NRXN1: variants seen among roughly 807,000 people sequenced by gnomAD.
NRXN1 encodes the protein neurexin-1.
NRXN1 carries 39 observed loss-of-function variants against 150.9 expected under a neutral mutation model. The ratio of observed to expected loss-of-function variants is 0.26; its 90% CI spans 0.20 to 0.34. The LOEUF is 0.34. Among genes scored for constraint, NRXN1 ranks in the 10% least tolerant of loss-of-function variants. The pLI is 1.00. For synonymous variants in NRXN1, 924 were observed against 757.0 expected, an observed-to-expected ratio of 1.22 and a Z score of -3.62; for missense variants, 1,815 against 1,949.9, an observed-to-expected ratio of 0.93 and a Z score of 1.30.
chr2:50,967,037 T>C (rs1302676365), intron 2 of NRXN1, among the ~76,000 whole-genome samples: 3 of 151,960 alleles, frequency 2.0e-5, no homozygotes, highest in Admixed American at 6.6e-5. Flanking sequence ...GTTGTTAAAA[T>C]GTCATTCTCC....
At chr2:50,594,417 C>T (rs1674813393) in intron 8 of NRXN1, among the ~76,000 whole-genome samples, 1 of 152,136 alleles carries the variant, frequency 6.6e-6, no homozygotes, top group Admixed American at 6.5e-5. Context: ...CACATCAGCA[C>T]TGTCGGGGAA....
intron 12 of NRXN1, among the ~76,000 whole-genome samples, chr2:50,526,997 T>G (rs2092969936): frequency 6.6e-6 from 1 of 152,152 alleles, no homozygotes; most frequent in Non-Finnish European, 1.5e-5. Context: ...ATTTAAAAAA[T>G]CATTGATATA....
intron 8 of NRXN1, among the ~76,000 whole-genome samples, chr2:50,611,988 C>T (rs1299908500): frequency 6.6e-6 from 1 of 152,080 alleles, no homozygotes; most frequent in Non-Finnish European, 1.5e-5. Context: ...CTAAAGGTTC[C>T]TACGAAGCTC....
At chr2:50,590,205 CAAAT>C (rs1463269901) in intron 8 of NRXN1, among the ~76,000 whole-genome samples, 7 of 152,082 alleles carry the variant, frequency 4.6e-5, no homozygotes, top group African/African-American at 1.7e-4. Flanking sequence ...TCACAGCCCT[CAAAT>C]AAGTTCCAAG....
intron 8 of NRXN1, among the ~76,000 whole-genome samples, chr2:50,573,594 AC>A (rs1670977207): frequency 6.6e-6 from 1 of 152,128 alleles, no homozygotes; most frequent in South Asian, 2.1e-4. Flanking sequence ...TATCCATATT[AC>A]AACCAAGTTA....
chr2:50,216,440 G>A (rs2063406925), intron 18 of NRXN1, among the ~76,000 whole-genome samples: 1 of 151,944 alleles, frequency 6.6e-6, no homozygotes, highest in East Asian at 1.9e-4. Context: ...TAAAGGCATT[G>A]AGCCATACCT....
At chr2:50,351,567 G>A (rs533992213) in intron 17 of NRXN1, among the ~76,000 whole-genome samples, 4 of 152,166 alleles carry the variant, frequency 2.6e-5, no homozygotes, top group Admixed American at 6.5e-5. Flanking sequence ...ACCTGAACAC[G>A]CCTCACTTCT....
chr2:50,183,980 T>A (rs1574373645), intron 18 of NRXN1, among the ~76,000 whole-genome samples: 1 of 152,012 alleles, frequency 6.6e-6, no homozygotes, highest in Admixed American at 6.6e-5. Flanking sequence ...TTCGCACTGA[T>A]GTAATTAAGT....
At position 50,346,149 on chromosome 2, in the gene NRXN1, T is replaced by C. The variant is rs1409239194; in HGVS notation, c.3365-109179A>G. Among the ~76,000 whole-genome samples, 3 of 152,170 alleles carry C rather than the reference T, an allele frequency of 2.0e-5. No individual in the cohort carries two copies. The highest frequency in any genetic ancestry group is 1.3e-4 in the Admixed American group (2 of 15,282). ...GGGGGCAAAAGTAATTGGCCTCCTGTTGAGTGAGTCCCAGGACTGCTTCGC... is the reference window on the plus strand; with the variant it reads ...GGGGGCAAAAGTAATTGGCCTCCTGCTGAGTGAGTCCCAGGACTGCTTCGC... On this transcript the variant is annotated intron_variant, in intron 17 of 22. Coordinates refer to ENST00000401669, the MANE Select transcript of NRXN1 (RefSeq NM_001330078.2). This position sits in a 1 kb window ranked among gnomAD's most constrained non-coding sequence, Gnocchi z 5.0.
chr2:50,554,024 T>C (rs1049955039), intron 8 of NRXN1, among the ~76,000 whole-genome samples: 1 of 152,168 alleles, frequency 6.6e-6, no homozygotes, highest in Non-Finnish European at 1.5e-5. Flanking sequence ...TAGACCATAC[T>C]TACTTGAGGG....
intron 5 of NRXN1, among the ~76,000 whole-genome samples, chr2:50,881,689 A>G (rs1679453930): frequency 6.6e-6 from 1 of 151,906 alleles, no homozygotes; most frequent in Admixed American, 6.6e-5. Context: ...TTGAGTGAGG[A>G]GGTTTAAATC....
intron 2 of NRXN1, among the ~76,000 whole-genome samples, chr2:51,013,205 G>C (rs759215870): frequency 1.1e-4 from 17 of 151,958 alleles, no homozygotes; most frequent in Non-Finnish European, 2.2e-4. Context: ...GCTCAACAAC[G>C]TTTAAGGAAA....
intron 17 of NRXN1, among the ~76,000 whole-genome samples, chr2:50,246,375 T>C (rs1359497258): frequency 6.6e-6 from 1 of 152,096 alleles, no homozygotes; most frequent in Non-Finnish European, 1.5e-5. Flanking sequence ...AATAGGTATT[T>C]ATTTTGAATT....
intron 21 of NRXN1, among the ~76,000 whole-genome samples, chr2:50,026,847 G>GTGTTT (rs1558721437): frequency 7.6e-5 from 7 of 92,130 alleles, no homozygotes; most frequent in African/African-American, 3.4e-4. Flanking sequence ...CATTGTTTAA[G>GTGTTT]TCTTTTCTTT....
intron 22 of NRXN1, among the ~76,000 whole-genome samples, chr2:49,924,481 A>C (rs1462533569): frequency 6.6e-6 from 1 of 152,202 alleles, no homozygotes; most frequent in Non-Finnish European, 1.5e-5. Flanking sequence ...TATCTGCTAA[A>C]ATATTTCTGA....
chr2:50,305,667 T>C (rs1290657118), intron 17 of NRXN1, among the ~76,000 whole-genome samples: 1 of 152,228 alleles, frequency 6.6e-6, no homozygotes, highest in Non-Finnish European at 1.5e-5. Flanking sequence ...CTAATAAGCA[T>C]AGATCACAAT....
At chr2:50,700,513 T>C (rs542439035) in intron 5 of NRXN1, among the ~76,000 whole-genome samples, 2 of 152,300 alleles carry the variant, frequency 1.3e-5, no homozygotes, top group African/African-American at 4.8e-5. Flanking sequence ...ATTTAAACCA[T>C]CTATTTGATG....
chr2:50,028,195 T>TA (rs2152565453), intron 21 of NRXN1, among the ~76,000 whole-genome samples: 1 of 152,326 alleles, frequency 6.6e-6, no homozygotes, highest in South Asian at 2.1e-4. Flanking sequence ...TTGTTCAAAG[T>TA]AAAACATTAA....
chr2:49,983,868 CA>C (rs1233858395), intron 21 of NRXN1, among the ~76,000 whole-genome samples: 2 of 151,948 alleles, frequency 1.3e-5, no homozygotes, highest in East Asian at 3.9e-4. Context: ...TTCTCTCTAC[CA>C]AAACTGGTAA....
Sources: gnomAD v4.1 joint callset for allele counts (sites outside exome capture counted in the v4.1 genomes callset) on GRCh38, gnomAD v4.1.1 for gene constraint, Gnocchi (gnomAD v3.1) non-coding constraint, MANE v1.5 for transcripts, NCBI Gene and HGNC (gene_info 2026-07-23, HGNC 2026-07-21) for gene names.